SLC14A2: variants seen among roughly 807,000 people sequenced by gnomAD.
SLC14A2 encodes urea transporter 2.
A neutral mutation model predicts 104.6 loss-of-function variants in SLC14A2; 91 were observed. The ratio of observed to expected loss-of-function variants is 0.87; its 90% CI spans 0.73 to 1.04. The LOEUF is 1.04. Among genes scored for constraint, SLC14A2 ranks in the 50% least tolerant of loss-of-function variants. The pLI is 0.00. For synonymous variants in SLC14A2, 476 were observed against 466.4 expected (o/e 1.02, Z -0.27); for missense variants, 1,189 against 1,156.0 (o/e 1.03, Z -0.41).
chr18:45,240,404 C>A (rs1345349344), intron 1 of SLC14A2, among the ~76,000 whole-genome samples: 2 of 151,914 alleles, frequency 1.3e-5, no homozygotes, highest in East Asian at 3.9e-4. Context: ...CCAAATATCT[C>A]TTTAATATAC....
chr18:45,551,610 T>C (rs1243369601), intron 2 of SLC14A2, among the ~76,000 whole-genome samples: 1 of 152,132 alleles, frequency 6.6e-6, no homozygotes, highest in Non-Finnish European at 1.5e-5. Context: ...ATGAGGGCTA[T>C]CAAGTAGGGA....
At chr18:45,387,084 A>T (rs2085905204) in intron 1 of SLC14A2, among the ~76,000 whole-genome samples, 1 of 152,002 alleles carries the variant, frequency 6.6e-6, no homozygotes, top group South Asian at 2.1e-4. Context: ...AGTTGCTACT[A>T]CTTCCATTGG....
chr18:45,553,357 C>T (rs1323849174), intron 2 of SLC14A2, among the ~76,000 whole-genome samples: 6 of 152,222 alleles, frequency 3.9e-5, no homozygotes, highest in Non-Finnish European at 7.3e-5. Context: ...TCACTTTTCC[C>T]ATTCCCTTGA....
intron 1 of SLC14A2, among the ~76,000 whole-genome samples, chr18:45,471,241 T>C (rs10163709): frequency 0.037 from 5,611 of 152,300 alleles, 358 homozygotes; most frequent in African/African-American, 0.13. Flanking sequence ...CATGTTGCTA[T>C]GGAAAACTCT....
intron 18 of SLC14A2, among the ~76,000 whole-genome samples, chr18:45,676,917 T>C (rs2046237254): frequency 6.6e-6 from 1 of 152,248 alleles, no homozygotes; most frequent in African/African-American, 2.4e-5. Flanking sequence ...CTGAAGCCAG[T>C]GCTTTTTCTA....
intron 2 of SLC14A2, among the ~76,000 whole-genome samples, chr18:45,625,297 G>T (rs1484898986): frequency 6.6e-6 from 1 of 152,166 alleles, no homozygotes; most frequent in African/African-American, 2.4e-5. Flanking sequence ...GAAGGTATTG[G>T]ATCTGCTGTG....
At chr18:45,660,829 C>G (rs2045925178) in intron 10 of SLC14A2, among the ~76,000 whole-genome samples, 1 of 152,126 alleles carries the variant, frequency 6.6e-6, no homozygotes, top group Admixed American at 6.6e-5. Context: ...AGAATTTGTC[C>G]CAGAGGCCAG....
At chr18:45,640,989 A>T (rs1271966323) in intron 7 of SLC14A2, among the ~76,000 whole-genome samples, 1 of 152,202 alleles carries the variant, frequency 6.6e-6, no homozygotes, top group Admixed American at 6.5e-5. Context: ...CCTCCAAGTG[A>T]AGCCTGTGGC....
At chr18:45,219,891 C>T (rs1007651373) in intron 1 of SLC14A2, among the ~76,000 whole-genome samples, 1 of 152,104 alleles carries the variant, frequency 6.6e-6, no homozygotes, top group African/African-American at 2.4e-5. Flanking sequence ...GAAAAACAAT[C>T]AACAAACAAA....
the SLC14A2 span, among the ~76,000 whole-genome samples, chr18:45,186,219 C>T: frequency 2.0e-5 from 3 of 152,076 alleles, no homozygotes; most frequent in Non-Finnish European, 4.4e-5. Context: ...TTTCAAAACT[C>T]ATTATAAATC....
At chr18:45,184,017 G>T in the SLC14A2 span, among the ~76,000 whole-genome samples, 5 of 130,274 alleles carry the variant, frequency 3.8e-5, no homozygotes, top group Admixed American at 9.8e-5. Flanking sequence ...GGCTCCCAAA[G>T]TGCTGAGATT....
At chr18:45,549,470 T>C (rs1050290165) in intron 2 of SLC14A2, among the ~76,000 whole-genome samples, 16 of 152,194 alleles carry the variant, frequency 1.1e-4, no homozygotes, top group Non-Finnish European at 2.1e-4. Context: ...AGGAGACAGC[T>C]TGTTCAAGCG....
At chr18:45,296,824 C>G (rs2084922217) in intron 1 of SLC14A2, among the ~76,000 whole-genome samples, 1 of 116,514 alleles carries the variant, frequency 8.6e-6, no homozygotes, top group South Asian at 2.6e-4. Flanking sequence ...CCCAGGGTAG[C>G]CGTCATAAAA....
At chr18:45,445,313 T>A (rs1318127670) in intron 1 of SLC14A2, among the ~76,000 whole-genome samples, 1 of 152,114 alleles carries the variant, frequency 6.6e-6, no homozygotes, top group Non-Finnish European at 1.5e-5. Context: ...GGTTTCACTA[T>A]GTTGGCCAGG....
At chr18:45,636,253 ACT>A (rs1168023917) in intron 5 of SLC14A2, among the ~76,000 whole-genome samples, 1 of 152,246 alleles carries the variant, frequency 6.6e-6, no homozygotes, top group East Asian at 1.9e-4. Flanking sequence ...CCAGCAGGTC[ACT>A]GAGTGTGGAT....
intron 2 of SLC14A2, among the ~76,000 whole-genome samples, chr18:45,519,032 C>T (rs1193035332): frequency 6.6e-6 from 1 of 152,168 alleles, no homozygotes; most frequent in Non-Finnish European, 1.5e-5. Flanking sequence ...TAACAATAAG[C>T]ATATACATCC....
chr18:45,527,194 C>T (rs993124686), intron 2 of SLC14A2, among the ~76,000 whole-genome samples: 1 of 152,090 alleles, frequency 6.6e-6, no homozygotes, highest in African/African-American at 2.4e-5. Context: ...TTAGGTGCTC[C>T]CTGTTCTGAT....
intron 2 of SLC14A2, among the ~76,000 whole-genome samples, chr18:45,585,345 G>A (rs1363211508): frequency 6.6e-6 from 1 of 151,950 alleles, no homozygotes; most frequent in Non-Finnish European, 1.5e-5. Flanking sequence ...TTTGATTATT[G>A]CCTCCCCTCT....
chr18:45,542,001 C>A (rs2952267), intron 2 of SLC14A2, among the ~76,000 whole-genome samples: 1 of 107,228 alleles, frequency 9.3e-6, no homozygotes, highest in Non-Finnish European at 1.8e-5. Flanking sequence ...CAAGGAGCAT[C>A]TTTCCTAGGG....
Sources: allele counts gnomAD v4.1 joint callset (sites outside exome capture counted in the v4.1 genomes callset), GRCh38; gene constraint gnomAD v4.1.1; transcripts MANE v1.5; gene names NCBI Gene and HGNC (gene_info 2026-07-23, HGNC 2026-07-21).